The following STARD3NL variants were observed in gnomAD, a reference collection of about 807,000 sequenced individuals.
STARD3NL encodes the protein STARD3 N-terminal-like protein.
STARD3NL carries 17 observed loss-of-function variants against 30.9 expected under a neutral mutation model. The observed-to-expected ratio is 0.55, with a 90% confidence interval of 0.38 to 0.82. The LOEUF (loss-of-function observed/expected upper bound fraction) is 0.82, where lower values mean the gene tolerates loss of function less well. Ranked by LOEUF, STARD3NL falls within the 40% of genes least tolerant of loss-of-function variation. The pLI is 0.00. For missense variants in STARD3NL, 234 were observed against 277.6 expected, an observed-to-expected ratio of 0.84 and a Z score of 1.12; for synonymous variants, 112 against 100.5, an observed-to-expected ratio of 1.11 and a Z score of -0.69.
At chr7:38,217,333 G>A in intron 6 of STARD3NL, 28 bp downstream of exon 6, 1 of 1,606,086 alleles carries the variant, frequency 6.2e-7, no homozygotes, top group Non-Finnish European at 8.5e-7. Context: ...TCAGCCTCCT[G>A]AGGCGGACTG....
intron 2 of STARD3NL, among the ~76,000 whole-genome samples, chr7:38,208,074 T>A (rs1224826668): frequency 2.0e-5 from 3 of 152,200 alleles, no homozygotes; most frequent in Non-Finnish European, 4.4e-5. Context: ...TGTTTACATA[T>A]TGTTTATGGC....
intron 5 of STARD3NL, 55 bp downstream of exon 5, chr7:38,217,133 T>C: frequency 6.2e-7 from 1 of 1,613,778 alleles, no homozygotes; most frequent in Non-Finnish European, 8.5e-7. Context: ...GAAGCCTCGT[T>C]TTTCAGTGTG....
At chr7:38,225,024 G>C (rs376143510) in intron 7 of STARD3NL, among the ~76,000 whole-genome samples, 3 of 152,264 alleles carry the variant, frequency 2.0e-5, no homozygotes, top group African/African-American at 7.2e-5. Context: ...TTAGTATGGG[G>C]TCTTTTTGAT....
chr7:38,178,716 G>A (rs1438080645), intron 1 of STARD3NL, among the ~76,000 whole-genome samples: 1 of 152,190 alleles, frequency 6.6e-6, no homozygotes, highest in African/African-American at 2.4e-5. Context: ...CCAGCCTGCG[G>A]ACCCTGAGGA....
At chr7:38,190,599 G>A (rs985886010) in intron 1 of STARD3NL, among the ~76,000 whole-genome samples, 9 of 152,234 alleles carry the variant, frequency 5.9e-5, no homozygotes, top group South Asian at 2.1e-4. Context: ...GTACTTCAGC[G>A]TGCATCTCCT....
chr7:38,214,972 G>A (rs1028914654), intron 3 of STARD3NL, 56 bp from the exon 4 acceptor site: 1 of 1,497,574 alleles, frequency 6.7e-7, no homozygotes, highest in African/African-American at 1.4e-5. Context: ...TTTTCATAAA[G>A]CTGTGTCATT....
At position 38,230,583 on chromosome 7, in the gene STARD3NL, C is replaced by T. The variant is rs1038914300; in HGVS notation, c.*678C>T. On this transcript the variant is annotated 3_prime_UTR_variant, in exon 9 of 9. Transcript: ENST00000009041. ...ATTGTTCTGAAATGTTCTAAATACT[C>T]TTATTTTGAATGCACAAAATGACTT... is the stretch of plus-strand genomic sequence containing the variant. 1.5e-4 allele frequency: 23 copies of T among 152,320 alleles called. No homozygotes were observed. Among genetic ancestry groups the T allele is most frequent in the African/African-American group, 5.5e-4 (23 of 41,578 alleles). The allele number at this position is 152,320 out of a possible 1,614,324, so 9.4% of individuals were successfully genotyped here.
chr7:38,196,000 C>A (rs1025591170), intron 1 of STARD3NL, among the ~76,000 whole-genome samples: 8 of 152,244 alleles, frequency 5.3e-5, no homozygotes, highest in Non-Finnish European at 1.0e-4. Flanking sequence ...AGCCCACTTG[C>A]AAGTGGCTTT....
chr7:38,191,475 CA>C (rs140155227), intron 1 of STARD3NL, among the ~76,000 whole-genome samples: 1 of 151,552 alleles, frequency 6.6e-6, no homozygotes, highest in African/African-American at 2.4e-5. Flanking sequence ...AAAAATATTG[CA>C]AAAAAAATTG....
At chr7:38,206,807 G>C (rs1785511350) in intron 1 of STARD3NL, among the ~76,000 whole-genome samples, 1 of 152,118 alleles carries the variant, frequency 6.6e-6, no homozygotes, top group African/African-American at 2.4e-5. Context: ...GTCTTGCTCT[G>C]TTACCCAGGC....
Position 38,181,986 on chromosome 7 carries a change from C to T in STARD3NL, c.-59+3566C>T, listed in dbSNP as rs368328201. ...GCTGCTTTATCAATAAAGCATTTCC[C>T]GTGTCTCTATAACAGAAGCCTTCTT... On this transcript the variant is annotated intron_variant, in intron 1 of 8. Coordinates refer to ENST00000009041, the MANE Select transcript of STARD3NL (RefSeq NM_032016.4). Among the ~76,000 whole-genome samples the T allele has an allele frequency of 7.9e-5, 12 of 152,258 alleles. No individual in the cohort carries two copies. The South Asian group carries it at 2.3e-3, about 29-fold the overall frequency.
At chr7:38,224,320 A>G (rs1227493335) in intron 7 of STARD3NL, among the ~76,000 whole-genome samples, 1 of 152,226 alleles carries the variant, frequency 6.6e-6, no homozygotes, top group Non-Finnish European at 1.5e-5. Flanking sequence ...ACAGATTTCT[A>G]AGAGAGGATT....
intron 2 of STARD3NL, among the ~76,000 whole-genome samples, chr7:38,213,804 T>C (rs1210049935): frequency 6.6e-6 from 1 of 152,250 alleles, no homozygotes; most frequent in Non-Finnish European, 1.5e-5. Context: ...TCATTATCTA[T>C]TCATGTTAAA....
At position 38,217,007 on chromosome 7, in the gene STARD3NL, G is replaced by A; in HGVS notation, c.382-18G>A. ...TGAGATGCCTAGTGTGAACAGTGCT[G>A]GATTATGTGTCTTGCAGTTGACAAC... On this transcript the variant is annotated intron_variant, in intron 4 of 8. Transcript: ENST00000009041. 6.2e-7 allele frequency: 1 copy of A among 1,613,920 alleles called. No homozygotes were observed. The highest frequency in any genetic ancestry group is 8.5e-7 in the Non-Finnish European group (1 of 1,179,890).
chr7:38,218,629 A>T (rs1786263075), intron 6 of STARD3NL, among the ~76,000 whole-genome samples: 1 of 152,170 alleles, frequency 6.6e-6, no homozygotes, highest in East Asian at 1.9e-4. Context: ...ATTAGCACTT[A>T]TTTTCATTGT....
intron 6 of STARD3NL, among the ~76,000 whole-genome samples, chr7:38,218,613 T>A (rs1180390954): frequency 6.6e-6 from 1 of 152,102 alleles, no homozygotes; most frequent in Non-Finnish European, 1.5e-5. Context: ...TTAATGAAAA[T>A]TTTAAATTAG....
intron 1 of STARD3NL, among the ~76,000 whole-genome samples, chr7:38,180,447 G>T (rs1218792257): frequency 6.6e-6 from 1 of 152,226 alleles, no homozygotes; most frequent in African/African-American, 2.4e-5. Flanking sequence ...CTAGGAAGCT[G>T]CATTGGCAAG....
At chr7:38,183,793 C>T (rs1053252559) in intron 1 of STARD3NL, among the ~76,000 whole-genome samples, 2 of 152,124 alleles carry the variant, frequency 1.3e-5, no homozygotes, top group African/African-American at 4.8e-5. Context: ...AGGGACCTGA[C>T]CTAAAATAGT....
At chr7:38,190,402 A>G (rs1281364490) in intron 1 of STARD3NL, among the ~76,000 whole-genome samples, 2 of 152,206 alleles carry the variant, frequency 1.3e-5, no homozygotes, top group African/African-American at 4.8e-5. Context: ...TACATATGCT[A>G]CATGTGTGTA....
Sources: allele counts gnomAD v4.1 joint callset (sites outside exome capture counted in the v4.1 genomes callset), GRCh38; gene constraint gnomAD v4.1.1; transcripts MANE v1.5; gene names NCBI Gene and HGNC (gene_info 2026-07-23, HGNC 2026-07-21).